TSPAN12: variants seen among roughly 807,000 people sequenced by gnomAD.
The protein encoded by TSPAN12 is tetraspanin-12.
In TSPAN12, 19 loss-of-function variants were observed where a neutral mutation model predicts 39.2. The ratio of observed to expected loss-of-function variants is 0.49; its 90% CI spans 0.34 to 0.71. The LOEUF is 0.71. Ranked by LOEUF, TSPAN12 falls within the 30% of genes least tolerant of loss-of-function variation. The pLI is 0.01. For missense variants in TSPAN12, 314 were observed against 359.9 expected, an observed-to-expected ratio of 0.87 and a Z score of 1.03; for synonymous variants, 119 against 124.8, an observed-to-expected ratio of 0.95 and a Z score of 0.31.
intron 7 of TSPAN12, among the ~76,000 whole-genome samples, chr7:120,805,437 A>G (rs1277138606): frequency 3.9e-5 from 6 of 152,152 alleles, no homozygotes; most frequent in Non-Finnish European, 7.4e-5. Context: ...ACCTTGAAAT[A>G]TATCAAAATG....
intron 2 of TSPAN12, among the ~76,000 whole-genome samples, chr7:120,848,246 T>C (rs1444537883): frequency 6.6e-6 from 1 of 152,206 alleles, no homozygotes; most frequent in African/African-American, 2.4e-5. Flanking sequence ...TAATGCTCTT[T>C]GCAAATACCT....
chr7:120,813,503 C>A (rs1050986272), intron 5 of TSPAN12, among the ~76,000 whole-genome samples: 1 of 152,146 alleles, frequency 6.6e-6, no homozygotes, highest in Admixed American at 6.6e-5. Context: ...ACTTTAAAAT[C>A]AAAACATTTC....
chr7:120,835,629 A>G (rs1794461975), intron 4 of TSPAN12, among the ~76,000 whole-genome samples: 1 of 152,198 alleles, frequency 6.6e-6, no homozygotes, highest in Admixed American at 6.5e-5. Flanking sequence ...GTCCAATTTT[A>G]TACTCAGCAG....
chr7:120,824,144 G>C (rs920391357), intron 4 of TSPAN12, among the ~76,000 whole-genome samples: 5 of 152,010 alleles, frequency 3.3e-5, no homozygotes, highest in African/African-American at 1.2e-4. Context: ...ACCCTGCTTT[G>C]AAATATGAAT....
intron 5 of TSPAN12, among the ~76,000 whole-genome samples, chr7:120,812,123 C>T (rs1793994849): frequency 6.6e-6 from 1 of 152,082 alleles, no homozygotes; most frequent in Non-Finnish European, 1.5e-5. Flanking sequence ...TTCTATTCTC[C>T]AATCACCTAG....
intron 5 of TSPAN12, 37 bp downstream of exon 5, chr7:120,815,689 CTGT>C (rs1794065631): frequency 6.5e-7 from 1 of 1,550,222 alleles, no homozygotes; most frequent in Non-Finnish European, 8.9e-7. Flanking sequence ...AAAGGCTGAA[CTGT>C]TGTTTTAGAT....
At chr7:120,842,060 G>A (rs890336064) in intron 2 of TSPAN12, among the ~76,000 whole-genome samples, 1 of 152,028 alleles carries the variant, frequency 6.6e-6, no homozygotes, top group Non-Finnish European at 1.5e-5. Flanking sequence ...AATAATTTCT[G>A]GCATTGTAAT....
intron 5 of TSPAN12, among the ~76,000 whole-genome samples, chr7:120,810,858 A>T (rs1260901485): frequency 6.6e-6 from 1 of 152,222 alleles, no homozygotes; most frequent in African/African-American, 2.4e-5. Flanking sequence ...ATCACCAACA[A>T]GTAATTAACT....
intron 4 of TSPAN12, among the ~76,000 whole-genome samples, chr7:120,831,830 CA>C (rs970125203): frequency 9.9e-5 from 15 of 151,852 alleles, no homozygotes; most frequent in Non-Finnish European, 1.8e-4. Context: ...GTTCTCACCA[CA>C]AAAAATAAGT....
chr7:120,815,860 A>G (rs1794070700), intron 4 of TSPAN12, 57 bp from the exon 5 acceptor site: 2 of 1,472,288 alleles, frequency 1.4e-6, no homozygotes, highest in African/African-American at 2.8e-5. Context: ...AGGCTCCTCA[A>G]AGACAGACTT....
At chr7:120,840,137 AC>A in intron 2 of TSPAN12, 28 bp from the exon 3 acceptor site, 1 of 1,542,998 alleles carries the variant, frequency 6.5e-7, no homozygotes, top group Non-Finnish European at 9.0e-7. Flanking sequence ...CAAACCGGTT[AC>A]CAAAGATTTA....
rs140598245 is a variant in TSPAN12 at position 120,808,978 on chromosome 7, A to G, written c.468+1485T>C. Among the ~76,000 whole-genome samples, 985 of 150,108 alleles carry G rather than the reference A, an allele frequency of 6.6e-3. 5 individuals are homozygous for G. The highest frequency in any genetic ancestry group is 0.018 in the Middle Eastern group (5 of 284). ...ATTAGGAGAGGGTATTTAAATATAT[A>G]TATATATTTAATATATATATGGAAG... is the stretch of plus-strand genomic sequence containing the variant. On this transcript the variant is annotated intron_variant, in intron 6 of 7. Transcript: ENST00000222747.
chr7:120,856,695 T>G lies in TSPAN12; in HGVS notation c.66+3A>C. The G allele has an allele frequency of 6.2e-7, 1 of 1,614,188 alleles. No individual in the cohort carries two copies. Among genetic ancestry groups the G allele is most frequent in the Middle Eastern group, 1.6e-4 (1 of 6,062 alleles). On this transcript the variant is annotated splice_donor_region_variant and intron_variant, in intron 2 of 7. Coordinates refer to ENST00000222747, the MANE Select transcript of TSPAN12 (RefSeq NM_012338.4). Reference sequence around the variant, plus strand: ...ACCTGTTGGTGCAGTGAAACTTACTTACCCAAAAGAGCAGATTGAGGGCGT... The same window carrying G: ...ACCTGTTGGTGCAGTGAAACTTACTGACCCAAAAGAGCAGATTGAGGGCGT...
intron 2 of TSPAN12, among the ~76,000 whole-genome samples, chr7:120,856,244 T>C (rs1488430580): frequency 1.3e-5 from 2 of 152,090 alleles, no homozygotes; most frequent in East Asian, 1.9e-4. Context: ...TGGGTGTGAA[T>C]TCCACCACCA....
chr7:120,856,740 C>G lies in TSPAN12; in HGVS notation c.24G>C (p.Lys8Asn). The change falls in exon 2 of 8, where the codon AAG becomes AAC. Residue 8 changes from lysine to asparagine, a missense_variant. Coordinates refer to ENST00000222747, the MANE Select transcript of TSPAN12 (RefSeq NM_012338.4). MAREDSVKCLRCLLYALN... is the reference protein window; with the variant it reads MAREDSVNCLRCLLYALN... Reference sequence around the variant, plus strand: ...GGGCGTAGAGCAGGCAGCGCAGACACTTCACGGAATCTTCTCTGGCCATTG... The same window carrying G: ...GGGCGTAGAGCAGGCAGCGCAGACAGTTCACGGAATCTTCTCTGGCCATTG... 1 of 1,614,224 alleles carries G rather than the reference C, an allele frequency of 6.2e-7. No homozygotes were observed. The highest frequency in any genetic ancestry group is 8.5e-7 in the Non-Finnish European group (1 of 1,180,034).
chr7:120,840,945 A>G (rs1046615331), intron 2 of TSPAN12, among the ~76,000 whole-genome samples: 2 of 152,238 alleles, frequency 1.3e-5, no homozygotes, highest in African/African-American at 4.8e-5. Context: ...CTGTCTGTAC[A>G]TTTGAATCAT....
chr7:120,823,405 A>C (rs1359066177), intron 4 of TSPAN12, among the ~76,000 whole-genome samples: 1 of 152,160 alleles, frequency 6.6e-6, no homozygotes, highest in Admixed American at 6.5e-5. Flanking sequence ...TAAATACACA[A>C]AACAACAAAA....
intron 4 of TSPAN12, among the ~76,000 whole-genome samples, chr7:120,824,038 C>G: frequency 6.6e-6 from 1 of 152,234 alleles, no homozygotes; most frequent in East Asian, 1.9e-4. Flanking sequence ...AATATTCTAA[C>G]TGCTCAGGTA....
Position 120,788,322 on chromosome 7 carries a change from C to G in TSPAN12, c.*270G>C, listed in dbSNP as rs1793448291. The G allele has an allele frequency of 2.1e-6, 1 of 467,932 alleles. No individual in the cohort carries two copies. Among genetic ancestry groups the G allele is most frequent in the Non-Finnish European group, 3.9e-6 (1 of 256,464 alleles). 29.0% of individuals were successfully genotyped at this position (467,932 alleles called of 1,614,324 possible). ...CTAATCAAACCATGCTGCCTCAAAA[C>G]ATAACTGTGTTCAGTAAAAGTCATA... On this transcript the variant is annotated 3_prime_UTR_variant, in exon 8 of 8. Transcript: ENST00000222747.
Sources: gnomAD v4.1 joint callset for allele counts (sites outside exome capture counted in the v4.1 genomes callset) on GRCh38, gnomAD v4.1.1 for gene constraint, MANE v1.5 for transcripts, NCBI Gene and HGNC (gene_info 2026-07-23, HGNC 2026-07-21) for gene names.